The following CUL4A variants were observed in gnomAD, a reference collection of about 807,000 sequenced individuals.
CUL4A encodes cullin-4A.
CUL4A carries 16 observed loss-of-function variants against 95.5 expected under a neutral mutation model. That is an observed-to-expected ratio of 0.17 (90% confidence interval 0.11 to 0.25). The LOEUF (loss-of-function observed/expected upper bound fraction) is 0.25. Among genes scored for constraint, CUL4A ranks in the 10% least tolerant of loss-of-function variants. CUL4A has a pLI of 1.00. For synonymous variants in CUL4A, 380 were observed against 353.1 expected (o/e 1.08, Z -0.85); for missense variants, 610 against 937.0 (o/e 0.65, Z 4.56).
At chr13:113,229,022 G>A (rs1395349671) in intron 4 of CUL4A, among the ~76,000 whole-genome samples, 1 of 152,040 alleles carries the variant, frequency 6.6e-6, no homozygotes, top group African/African-American at 2.4e-5. Flanking sequence ...CAGCTACTCG[G>A]GAGGCTGAGG....
At chr13:113,209,592 GCGCT>G (rs2040265624), upstream of CUL4A, 2 of 991,942 alleles carry the variant, frequency 2.0e-6, no homozygotes, top group South Asian at 9.1e-5. Context: ...GCGGGCGGCG[GCGCT>G]CGGGGCGGGG....
intron 5 of CUL4A, among the ~76,000 whole-genome samples, chr13:113,231,816 A>T (rs1346609969): frequency 1.3e-5 from 2 of 152,152 alleles, no homozygotes; most frequent in Non-Finnish European, 2.9e-5. Context: ...CCTGGTGTGC[A>T]GCACACGCGG....
At chr13:113,223,522 C>CCTAACCTAACCTAGCT (rs2040982301) in intron 3 of CUL4A, among the ~76,000 whole-genome samples, 1 of 152,106 alleles carries the variant, frequency 6.6e-6, no homozygotes, top group Admixed American at 6.5e-5. Context: ...CTCAGCCTCC[C>CCTAACCTAACCTAGCT]GAGTAGCTGG....
At chr13:113,224,292 G>T (rs2041019880) in intron 3 of CUL4A, among the ~76,000 whole-genome samples, 1 of 152,010 alleles carries the variant, frequency 6.6e-6, no homozygotes. Context: ...GGCAGATCTT[G>T]CAGTGAGCCG....
chr13:113,211,090 C>A (rs1463091491), intron 2 of CUL4A, among the ~76,000 whole-genome samples: 1 of 152,220 alleles, frequency 6.6e-6, no homozygotes, highest in Non-Finnish European at 1.5e-5. Context: ...AATATTGCTA[C>A]CACCCCCGAA....
chr13:113,252,508 G>A (rs2042020189), intron 15 of CUL4A, among the ~76,000 whole-genome samples: 1 of 152,156 alleles, frequency 6.6e-6, no homozygotes, highest in Non-Finnish European at 1.5e-5. Flanking sequence ...CCACAACCTG[G>A]CTGACAGAGC....
rs907453422 is a variant in CUL4A, at chr13:113,233,866, A to G, written c.676-31A>G. On this transcript the variant is annotated intron_variant, in intron 6 of 19. Transcript: ENST00000375440. ...CTTGTGAAGATAGTTTCCTTTACTG[A>G]AATTGGTCAGTAACTCTGCTTGTTT... The G allele has an allele frequency of 3.4e-6, 4 of 1,175,544 alleles. No homozygotes were observed. In the African/African-American group the frequency reaches 6.0e-5, roughly 18 times the overall value. 72.8% of individuals were successfully genotyped at this position (1,175,544 alleles called of 1,614,324 possible). A position where few individuals can be genotyped will look rare whatever the true frequency, so the allele number is the denominator to read the frequency against.
chr13:113,250,214 C>T (rs866304061), intron 15 of CUL4A, among the ~76,000 whole-genome samples: 2 of 152,162 alleles, frequency 1.3e-5, no homozygotes, highest in Non-Finnish European at 2.9e-5. Context: ...AATCTCAGAA[C>T]TTTGGGAAGC....
intron 19 of CUL4A, among the ~76,000 whole-genome samples, chr13:113,262,091 G>C (rs1197391584): frequency 6.6e-6 from 1 of 152,156 alleles, no homozygotes; most frequent in African/African-American, 2.4e-5. Context: ...GCCACATCTT[G>C]TAAAATGTGT....
intron 2 of CUL4A, among the ~76,000 whole-genome samples, chr13:113,214,217 T>C (rs2040560206): frequency 6.6e-6 from 1 of 152,332 alleles, no homozygotes; most frequent in East Asian, 1.9e-4. Context: ...TCAGCTGGCC[T>C]GTTGTTTCTG....
At chr13:113,240,719 G>T (rs1228453408) in intron 10 of CUL4A, among the ~76,000 whole-genome samples, 1 of 152,130 alleles carries the variant, frequency 6.6e-6, no homozygotes, top group African/African-American at 2.4e-5. Flanking sequence ...GATGGGGCAG[G>T]GTGTGTGGTT....
intron 3 of CUL4A, among the ~76,000 whole-genome samples, chr13:113,222,114 G>A (rs1410498450): frequency 6.6e-6 from 1 of 152,352 alleles, no homozygotes; most frequent in East Asian, 1.9e-4. Context: ...GCTGCTGGGT[G>A]TGGGAGAGTT....
intron 12 of CUL4A, 107 bp from the exon 13 acceptor site, chr13:113,244,839 CAAA>C (rs201136539): frequency 3.0e-4 from 169 of 567,726 alleles, no homozygotes; most frequent in Middle Eastern, 1.4e-3. Context: ...GACTCTGTCT[CAAA>C]AAAAAAAAAA....
intron 18 of CUL4A, among the ~76,000 whole-genome samples, chr13:113,258,584 G>A (rs1476286175): frequency 4.6e-5 from 7 of 152,150 alleles, no homozygotes; most frequent in Non-Finnish European, 7.3e-5. Context: ...TACTTATTGA[G>A]CATCTGTGGT....
chr13:113,250,558 G>T (rs1440556580), intron 15 of CUL4A, among the ~76,000 whole-genome samples: 1 of 152,134 alleles, frequency 6.6e-6, no homozygotes, highest in East Asian at 1.9e-4. Flanking sequence ...TGGACTGGTA[G>T]CTAGCACATA....
At chr13:113,231,598 C>T (rs1056978725) in intron 5 of CUL4A, among the ~76,000 whole-genome samples, 6 of 152,128 alleles carry the variant, frequency 3.9e-5, no homozygotes, top group Admixed American at 1.3e-4. Context: ...CTGGCACTGC[C>T]CCAAGGGCTT....
chr13:113,261,916 G>A (rs948020482), intron 19 of CUL4A, among the ~76,000 whole-genome samples: 3 of 152,176 alleles, frequency 2.0e-5, no homozygotes, highest in African/African-American at 7.2e-5. Context: ...GAGTAGCTGG[G>A]CTTACAGGCA....
chr13:113,254,847 G>A (rs939388054), intron 17 of CUL4A, 49 bp downstream of exon 17: 2 of 1,581,562 alleles, frequency 1.3e-6, no homozygotes, highest in Admixed American at 1.7e-5. Flanking sequence ...CTTAAAGCAT[G>A]TATTTGTTTT....
chr13:113,235,079 A>G lies in CUL4A; in HGVS notation c.782A>G (p.Asn261Ser). 6.2e-7 allele frequency: 1 copy of G among 1,611,810 alleles called. No homozygotes were observed. Among genetic ancestry groups the G allele is most frequent in the Non-Finnish European group, 8.5e-7 (1 of 1,178,088 alleles). The stretch of plus-strand genomic sequence containing the variant: ...GTTTGTAAGGTTCCAGAATATCTTA[A>G]CCATGTAAGTAAACGCTTAGAGGAA... ...MQEREVPEYL[N>S]HVSKRLEEEG... is the part of the protein sequence containing the mutation. Residue 261 changes from asparagine (N) to serine (S), a missense_variant, in exon 8 of 20, where the codon AAC becomes AGC. Around this residue, in one of 10 missense-constraint regions of CUL4A, gnomAD observed 153 missense variants for 244.5 expected, o/e 0.63. Coordinates refer to ENST00000375440, the MANE Select transcript of CUL4A (RefSeq NM_001008895.4).
Sources: allele counts gnomAD v4.1 joint callset (sites outside exome capture counted in the v4.1 genomes callset), GRCh38; gene constraint gnomAD v4.1.1; regional missense constraint gnomAD v4.1.1; transcripts MANE v1.5; gene names NCBI Gene and HGNC (gene_info 2026-07-23, HGNC 2026-07-21).